The following AKAP19 variants were observed in gnomAD, a reference collection of about 807,000 sequenced individuals.
AKAP19 encodes the protein A-kinase anchoring protein 19.
At chr2:190,057,210 G>A in the AKAP19 span, 11 of 1,608,006 alleles carry the variant, frequency 6.8e-6, no homozygotes, top group Non-Finnish European at 9.4e-6. Flanking sequence ...AATTGTTGAG[G>A]GGAAAACCTT....
the AKAP19 span, among the ~76,000 whole-genome samples, chr2:190,198,431 G>A: frequency 2.0e-5 from 3 of 151,796 alleles, no homozygotes; most frequent in South Asian, 2.1e-4. Context: ...ACTTGACCCC[G>A]GGAGTTCAAG....
the AKAP19 span, among the ~76,000 whole-genome samples, chr2:189,909,818 T>C: frequency 1.3e-5 from 2 of 152,086 alleles, no homozygotes; most frequent in Non-Finnish European, 1.5e-5. Flanking sequence ...TACAAAACAT[T>C]TGAATAGTTA....
At chr2:190,009,012 C>T in the AKAP19 span, among the ~76,000 whole-genome samples, 3 of 151,896 alleles carry the variant, frequency 2.0e-5, no homozygotes, top group Non-Finnish European at 4.4e-5. Flanking sequence ...GGGTTCCAGA[C>T]AGCAGGAACT....
chr2:189,938,353 G>T, the AKAP19 span, among the ~76,000 whole-genome samples: 1 of 146,858 alleles, frequency 6.8e-6, no homozygotes, highest in Non-Finnish European at 1.5e-5. Flanking sequence ...AAAAAAAAAA[G>T]AAAGAAAATG....
At chr2:189,951,332 G>A in the AKAP19 span, among the ~76,000 whole-genome samples, 1 of 151,000 alleles carries the variant, frequency 6.6e-6, no homozygotes, top group South Asian at 2.1e-4. Flanking sequence ...CTCCCAAGTA[G>A]CTGGGATTAC....
the AKAP19 span, among the ~76,000 whole-genome samples, chr2:189,909,206 T>C: frequency 2.6e-5 from 4 of 151,456 alleles, no homozygotes; most frequent in Non-Finnish European, 2.9e-5. Context: ...CATTTGCATA[T>C]AATATATATA....
At chr2:190,067,010 C>T in the AKAP19 span, among the ~76,000 whole-genome samples, 1 of 152,004 alleles carries the variant, frequency 6.6e-6, no homozygotes, top group Non-Finnish European at 1.5e-5. Flanking sequence ...AGGTTTATCC[C>T]CTAAAGCAGT....
At chr2:190,004,884 T>C in the AKAP19 span, among the ~76,000 whole-genome samples, 2 of 152,192 alleles carry the variant, frequency 1.3e-5, no homozygotes, top group African/African-American at 4.8e-5. Context: ...CTCTTAAAAG[T>C]ATTAGGCATA....
chr2:190,185,507 G>A, the AKAP19 span, among the ~76,000 whole-genome samples: 1 of 152,152 alleles, frequency 6.6e-6, no homozygotes, highest in Non-Finnish European at 1.5e-5. Context: ...TTTTCTGTGA[G>A]GATTTATATT....
At chr2:189,973,458 G>T in the AKAP19 span, among the ~76,000 whole-genome samples, 1 of 152,074 alleles carries the variant, frequency 6.6e-6, no homozygotes, top group Non-Finnish European at 1.5e-5. Flanking sequence ...TTTTGGTTGT[G>T]TCTCTGCCAG....
chr2:190,089,833 T>G, the AKAP19 span, among the ~76,000 whole-genome samples: 2 of 152,178 alleles, frequency 1.3e-5, no homozygotes, highest in African/African-American at 4.8e-5. Context: ...TTGAGGACTA[T>G]GATTCAATTT....
the AKAP19 span, among the ~76,000 whole-genome samples, chr2:190,124,298 AT>A: frequency 6.6e-6 from 1 of 152,216 alleles, no homozygotes; most frequent in East Asian, 1.9e-4. Flanking sequence ...AACATGAGAG[AT>A]TATACTTACA....
the AKAP19 span, among the ~76,000 whole-genome samples, chr2:189,972,187 G>A: frequency 7.9e-5 from 12 of 152,128 alleles, no homozygotes; most frequent in Non-Finnish European, 1.8e-4. Context: ...TCCAGTTTCA[G>A]CTTTCTACAT....
the AKAP19 span, chr2:190,057,505 C>G: frequency 2.5e-6 from 4 of 1,613,488 alleles, no homozygotes; most frequent in African/African-American, 1.3e-5. Flanking sequence ...CCAATCCCAT[C>G]CAAAAGCTTC....
the AKAP19 span, among the ~76,000 whole-genome samples, chr2:190,039,597 T>C: frequency 1.3e-5 from 2 of 152,084 alleles, no homozygotes; most frequent in African/African-American, 4.8e-5. Flanking sequence ...CAGGGGGTTG[T>C]TGTACATATT....
the AKAP19 span, among the ~76,000 whole-genome samples, chr2:190,021,054 A>G: frequency 6.6e-6 from 1 of 152,130 alleles, no homozygotes; most frequent in East Asian, 1.9e-4. Context: ...AGTTACTTTC[A>G]TCTTTTGGCT....
chr2:189,898,781 C>T, the AKAP19 span, among the ~76,000 whole-genome samples: 2 of 152,134 alleles, frequency 1.3e-5, no homozygotes, highest in African/African-American at 4.8e-5. Context: ...TAAAAGTCCT[C>T]GAACTAGTCC....
chr2:189,930,880 G>T, the AKAP19 span: 1 of 725,494 alleles, frequency 1.4e-6, no homozygotes, highest in Non-Finnish European at 2.5e-6. Flanking sequence ...GACTGGAGCT[G>T]GAACCTGTTC....
At chr2:189,987,289 C>A in the AKAP19 span, among the ~76,000 whole-genome samples, 16 of 152,126 alleles carry the variant, frequency 1.1e-4, no homozygotes, top group Middle Eastern at 3.2e-3. Flanking sequence ...AAAGAAATGC[C>A]TTTTGCCTCC....
Sources: allele counts gnomAD v4.1 joint callset (sites outside exome capture counted in the v4.1 genomes callset), GRCh38; gene constraint gnomAD v4.1.1; transcripts MANE v1.5; gene names NCBI Gene and HGNC (gene_info 2026-07-23, HGNC 2026-07-21).